The following DMD variants were observed in gnomAD, a reference collection of about 807,000 sequenced individuals.
The protein encoded by DMD is dystrophin.
A neutral mutation model predicts 330.1 loss-of-function variants in DMD; 63 were observed. The observed-to-expected ratio is 0.19, with a 90% CI of 0.16 to 0.24. The LOEUF (loss-of-function observed/expected upper bound fraction) is 0.24. Among genes scored for constraint, DMD ranks in the 10% least tolerant of loss-of-function variants. The pLI is 1.00. For missense variants in DMD, 3,344 were observed against 2,684.1 expected (o/e 1.25, Z -5.43); for synonymous variants, 1,223 against 959.8 (o/e 1.27, Z -5.07).
At chrX:31,164,990 A>C (rs1025208868) in intron 74 of DMD, among the ~76,000 whole-genome samples, 1 of 111,629 alleles carries the variant, frequency 9.0e-6, no homozygotes, top group African/African-American at 3.3e-5. Context: ...CCCATTCCTA[A>C]CCTCTTCAGA....
intron 51 of DMD, among the ~76,000 whole-genome samples, chrX:31,755,748 A>G (rs912212573): frequency 9.0e-6 from 1 of 111,708 alleles, no homozygotes; most frequent in African/African-American, 3.2e-5. Flanking sequence ...CCTCATGGTT[A>G]TATTTGTTAT....
intron 45 of DMD, among the ~76,000 whole-genome samples, chrX:31,967,324 G>A (rs898355720): frequency 5.8e-5 from 6 of 102,855 alleles, no homozygotes; most frequent in Admixed American, 2.1e-4. Context: ...GTGTGTGTGT[G>A]TGTGTGTGTG....
chrX:32,177,958 A>T (rs1454245665), intron 44 of DMD, among the ~76,000 whole-genome samples: 2 of 110,949 alleles, frequency 1.8e-5, no homozygotes, highest in Non-Finnish European at 3.8e-5. Context: ...TTTGGGCAAT[A>T]AAGAGCCAGA....
chrX:31,801,320 C>T (rs2092048681), intron 50 of DMD, among the ~76,000 whole-genome samples: 2 of 110,767 alleles, frequency 1.8e-5, no homozygotes, highest in African/African-American at 6.6e-5. Context: ...TTCACTATCA[C>T]GACAACAGCA....
intron 36 of DMD, 123 bp from the exon 37 acceptor site, chrX:32,363,081 AAAGTAAGAAAAT>A: frequency 1.4e-6 from 1 of 689,766 alleles, no homozygotes; most frequent in Non-Finnish European, 2.2e-6. Context: ...AGAGAGAGAG[AAAGTAAGAAAAT>A]GAGAGCAAGC....
rs1222893952 is a variant in DMD, at chrX:31,483,041, T to A, written c.8548-3938A>T. Among the ~76,000 whole-genome samples the A allele has an allele frequency of 4.5e-5, 3 of 66,726 alleles. No homozygotes were observed. In the East Asian group the frequency reaches 1.2e-3, roughly 26 times the overall value. The allele number at this position is 66,726 out of a possible 115,157, so 57.9% of individuals were successfully genotyped here. A position where few individuals can be genotyped will look rare whatever the true frequency, so the allele number is the denominator to read the frequency against. ...GGTCTGTAAAATAAGGAAATGGATC[T>A]TTTTTTTTTTTTTTTTTTTTTTTGA... On this transcript the variant is annotated intron_variant, in intron 57 of 78. Coordinates refer to ENST00000357033, the MANE Select transcript of DMD (RefSeq NM_004006.3).
In DMD at chrX:33,189,986, G is replaced by A. The variant is rs187808364; in HGVS notation, c.31+21296C>T. ...TCAATATTTTCACAAAATGATAACT[G>A]TAATCAAGGCAGAGAGCTTTATTTC... On this transcript the variant is annotated intron_variant, in intron 1 of 78. Transcript: ENST00000357033. Among the ~76,000 whole-genome samples the A allele has an allele frequency of 6.0e-3, 664 of 111,366 alleles. 9 individuals are homozygous for A. Among genetic ancestry groups the A allele is most frequent in the Non-Finnish European group, 9.9e-3 (524 of 53,079 alleles).
At chrX:32,837,301 A>C (rs765066811) in intron 4 of DMD, among the ~76,000 whole-genome samples, 2 of 111,788 alleles carry the variant, frequency 1.8e-5, no homozygotes, top group South Asian at 7.5e-4. Context: ...TTAACCTTGG[A>C]CTTCTGGTTA....
intron 1 of DMD, among the ~76,000 whole-genome samples, chrX:33,076,938 G>A (rs1388669133): frequency 9.0e-6 from 1 of 111,318 alleles, no homozygotes. Context: ...GTGGGTGGGG[G>A]GAAGCCAGTG....
At chrX:33,162,943 T>TAG (rs2048842156) in intron 1 of DMD, among the ~76,000 whole-genome samples, 1 of 111,442 alleles carries the variant, frequency 9.0e-6, no homozygotes, top group Non-Finnish European at 1.9e-5. Flanking sequence ...ATATTAGGTC[T>TAG]AGAAACAGCA....
At chrX:32,388,802 C>A (rs1249793125) in intron 32 of DMD, among the ~76,000 whole-genome samples, 1 of 110,983 alleles carries the variant, frequency 9.0e-6, no homozygotes, top group Non-Finnish European at 1.9e-5. Flanking sequence ...TTATGTTACT[C>A]GAGTAGATGC....
intron 29 of DMD, among the ~76,000 whole-genome samples, chrX:32,434,153 T>A (rs1229688492): frequency 8.9e-6 from 1 of 112,632 alleles, no homozygotes; most frequent in Non-Finnish European, 1.9e-5. Flanking sequence ...AATTGAATGT[T>A]ACCTTAGTTC....
chrX:32,417,311 T>C (rs2098169831), intron 29 of DMD, among the ~76,000 whole-genome samples: 1 of 110,518 alleles, frequency 9.0e-6, no homozygotes, highest in Non-Finnish European at 1.9e-5. Flanking sequence ...TCTGAATTCA[T>C]GGCCCAGAGG....
At chrX:32,212,126 A>G (rs1217204023) in intron 44 of DMD, among the ~76,000 whole-genome samples, 1 of 112,231 alleles carries the variant, frequency 8.9e-6, no homozygotes, top group East Asian at 2.8e-4. Context: ...AACTCCCATT[A>G]ACATTTCTTC....
At chrX:31,478,523 A>G (rs1011259669) in intron 58 of DMD, 149 bp from the exon 59 acceptor site, 2 of 727,209 alleles carry the variant, frequency 2.8e-6, no homozygotes, top group Admixed American at 3.0e-5. Context: ...ATAAATTTTG[A>G]TACAGCCCAG....
At chrX:32,583,212 C>G (rs983201378) in intron 13 of DMD, among the ~76,000 whole-genome samples, 1 of 111,956 alleles carries the variant, frequency 8.9e-6, no homozygotes, top group African/African-American at 3.3e-5. Flanking sequence ...TTACCAGATA[C>G]AGGCTGGGCC....
chrX:32,910,738 G>A (rs1230336246), intron 2 of DMD, among the ~76,000 whole-genome samples: 2 of 111,844 alleles, frequency 1.8e-5, no homozygotes, highest in Non-Finnish European at 3.8e-5. Flanking sequence ...ACCGCGCCCC[G>A]CCCTAGAACA....
intron 13 of DMD, among the ~76,000 whole-genome samples, chrX:32,582,148 G>C (rs749007032): frequency 1.8e-5 from 2 of 111,151 alleles, no homozygotes; most frequent in South Asian, 7.5e-4. Context: ...CATTGTACTA[G>C]AGTATTTATA....
At chrX:32,108,306 C>A (rs2096574016) in intron 44 of DMD, among the ~76,000 whole-genome samples, 1 of 111,704 alleles carries the variant, frequency 9.0e-6, no homozygotes, top group South Asian at 3.7e-4. Flanking sequence ...ACTATCAGGT[C>A]ATTTAAAAAT....
Sources: allele counts gnomAD v4.1 joint callset (sites outside exome capture counted in the v4.1 genomes callset), GRCh38; gene constraint gnomAD v4.1.1; transcripts MANE v1.5; gene names NCBI Gene and HGNC (gene_info 2026-07-23, HGNC 2026-07-21).